Variants in SSU72L3 observed in about 807,000 individuals in gnomAD.
The protein encoded by SSU72L3 is RNA polymerase II subunit A C-terminal domain phosphatase SSU72 like protein 3.
At chr11:4,330,044 A>T in the SSU72L3 span, 5 of 777,180 alleles carry the variant, frequency 6.4e-6, no homozygotes, top group African/African-American at 8.5e-5. Context: ...TTGCAACAAC[A>T]TATAAGCAGA....
the SSU72L3 span, among the ~76,000 whole-genome samples, chr11:4,330,766 T>C: frequency 2.4e-3 from 372 of 152,218 alleles, no homozygotes; most frequent in African/African-American, 8.3e-3. Flanking sequence ...CAAACCGAGC[T>C]GATAATGGAC....
the SSU72L3 span, chr11:4,329,843 C>T: frequency 1.3e-5 from 9 of 677,004 alleles, no homozygotes; most frequent in Non-Finnish European, 8.0e-6. Context: ...CTGTGTCTCT[C>T]TGGTTCCCAG....
the SSU72L3 span, chr11:4,330,347 C>T: frequency 1.4e-5 from 11 of 760,688 alleles, 1 homozygote; most frequent in African/African-American, 1.5e-4. Context: ...TTTGCCAGTG[C>T]CTGCAGCAGT....
chr11:4,329,865 A>T, the SSU72L3 span: 1 of 711,802 alleles, frequency 1.4e-6, no homozygotes. Context: ...GGCCACCATC[A>T]TGCTCTCCTC....
the SSU72L3 span, chr11:4,330,255 T>C: frequency 1.9e-5 from 14 of 749,782 alleles, 2 homozygotes; most frequent in South Asian, 1.4e-4. Flanking sequence ...ACAGCAGACC[T>C]TTCAGCCTGT....
chr11:4,330,497 G>A, the SSU72L3 span: 6 of 602,600 alleles, frequency 1.0e-5, no homozygotes, highest in South Asian at 1.0e-4. Context: ...CTTAGGCATG[G>A]GACTTTAGTC....
At chr11:4,329,887 T>G in the SSU72L3 span, 3 of 725,864 alleles carry the variant, frequency 4.1e-6, no homozygotes, top group Admixed American at 5.7e-5. Flanking sequence ...CCACTCAGGG[T>G]GGCTGTGGTG....
chr11:4,330,071 C>G, the SSU72L3 span: 1 of 774,734 alleles, frequency 1.3e-6, no homozygotes, highest in East Asian at 2.4e-5. Flanking sequence ...ATGACCTCCT[C>G]AGGAAAGATA....
At chr11:4,330,246 C>G in the SSU72L3 span, 2 of 744,976 alleles carry the variant, frequency 2.7e-6, no homozygotes, top group Non-Finnish European at 4.9e-6. Flanking sequence ...TTCCAGAGAA[C>G]AGCAGACCTT....
chr11:4,330,088 G>A, the SSU72L3 span: 17,539 of 767,904 alleles, frequency 0.023, 373 homozygotes, highest in South Asian at 0.044. Flanking sequence ...GATAGAGAAC[G>A]CTACACCCGC....
the SSU72L3 span, chr11:4,330,323 C>T: frequency 5.3e-6 from 4 of 760,842 alleles, no homozygotes; most frequent in Admixed American, 1.7e-5. Context: ...TGGGAGCTTT[C>T]CTCATCTGTG....
chr11:4,329,870 C>T, the SSU72L3 span: 1 of 718,132 alleles, frequency 1.4e-6, no homozygotes, highest in Non-Finnish European at 2.6e-6. Context: ...CCATCATGCT[C>T]TCCTCCCCAC....
chr11:4,330,790 A>T, the SSU72L3 span, among the ~76,000 whole-genome samples: 1 of 151,588 alleles, frequency 6.6e-6, no homozygotes, highest in South Asian at 2.1e-4. Context: ...TGGAAAAATG[A>T]TTTGTTTAAG....
At chr11:4,329,959 G>T in the SSU72L3 span, 7 of 747,300 alleles carry the variant, frequency 9.4e-6, no homozygotes, top group South Asian at 8.9e-5. Flanking sequence ...AAAGGGCTAA[G>T]TGTCCGGTCT....
chr11:4,330,102 G>A, the SSU72L3 span: 43 of 763,682 alleles, frequency 5.6e-5, 1 homozygote, highest in Admixed American at 1.2e-4. Context: ...CACCCGCAAC[G>A]GAATCTTACA....
At chr11:4,330,094 C>A in the SSU72L3 span, 9 of 766,762 alleles carry the variant, frequency 1.2e-5, no homozygotes, top group East Asian at 1.5e-4. Context: ...GAACGCTACA[C>A]CCGCAACGGA....
the SSU72L3 span, chr11:4,330,425 T>G: frequency 1.4e-6 from 1 of 693,594 alleles, no homozygotes; most frequent in African/African-American, 1.7e-5. Flanking sequence ...GAAAAAGCTT[T>G]CTTCACACCG....
the SSU72L3 span, chr11:4,330,124 G>C: frequency 4.0e-6 from 3 of 750,872 alleles, no homozygotes. Context: ...ATCTTGGGAA[G>C]AAATGAGAGA....
chr11:4,329,933 C>G, the SSU72L3 span: 2 of 732,060 alleles, frequency 2.7e-6, no homozygotes, highest in Non-Finnish European at 5.0e-6. Context: ...TGGAGGCCCA[C>G]AGCATCCTCA....
Sources: allele counts gnomAD v4.1 joint callset (sites outside exome capture counted in the v4.1 genomes callset), GRCh38; gene constraint gnomAD v4.1.1; transcripts MANE v1.5; gene names NCBI Gene and HGNC (gene_info 2026-07-23, HGNC 2026-07-21).